Variants in IQCM observed in about 807,000 individuals in gnomAD.
The protein encoded by IQCM is IQ motif containing M.
A neutral mutation model predicts 57.6 loss-of-function variants in IQCM; 45 were observed. That is an observed-to-expected ratio of 0.78 (90% CI 0.62 to 1.00). The LOEUF (loss-of-function observed/expected upper bound fraction) is 1.00, where lower values mean the gene tolerates loss of function less well. Among genes scored for constraint, IQCM ranks in the 50% least tolerant of loss-of-function variants. IQCM has a pLI of 0.00. For synonymous variants in IQCM, 148 were observed against 158.9 expected (o/e 0.93, Z 0.51); for missense variants, 468 against 511.6 (o/e 0.91, Z 0.82).
chr4:149,728,748 G>A (rs994716708), intron 5 of IQCM, among the ~76,000 whole-genome samples: 3 of 152,192 alleles, frequency 2.0e-5, no homozygotes, highest in East Asian at 1.9e-4. Context: ...CATCTATCCC[G>A]TCTCTGCTAC....
chr4:149,437,462 A>T (rs1355547457), intron 12 of IQCM, among the ~76,000 whole-genome samples: 1 of 152,040 alleles, frequency 6.6e-6, no homozygotes, highest in Non-Finnish European at 1.5e-5. Context: ...AAAATCCCAC[A>T]ATATGAACTC....
At chr4:149,732,056 ACT>A (rs1208202985) in intron 5 of IQCM, among the ~76,000 whole-genome samples, 1 of 151,546 alleles carries the variant, frequency 6.6e-6, no homozygotes, top group Non-Finnish European at 1.5e-5. Context: ...CTCTGTCATC[ACT>A]CTCTCTACAG....
At chr4:149,799,488 G>C (rs1773409732) in intron 2 of IQCM, among the ~76,000 whole-genome samples, 1 of 151,484 alleles carries the variant, frequency 6.6e-6, no homozygotes, top group African/African-American at 2.4e-5. Flanking sequence ...ATAAAGATTA[G>C]AGCAGAAATA....
At chr4:149,381,395 C>T (rs73859737) in intron 13 of IQCM, among the ~76,000 whole-genome samples, 1,869 of 152,182 alleles carry the variant, frequency 0.012, 18 homozygotes, top group Middle Eastern at 0.037. Flanking sequence ...TCAGGCTAAA[C>T]GCCAAAAATC....
chr4:149,757,725 A>G (rs1169162563), intron 2 of IQCM, among the ~76,000 whole-genome samples: 1 of 141,240 alleles, frequency 7.1e-6, no homozygotes, highest in East Asian at 2.2e-4. Flanking sequence ...CATTAGATAT[A>G]TTCCTGATAT....
intron 8 of IQCM, among the ~76,000 whole-genome samples, chr4:149,592,766 T>C (rs2150012416): frequency 6.6e-6 from 1 of 152,266 alleles, no homozygotes; most frequent in Middle Eastern, 3.4e-3. Context: ...CAGATGGTTG[T>C]AGATGGGTGG....
At chr4:149,589,111 C>T (rs1253437880) in intron 8 of IQCM, among the ~76,000 whole-genome samples, 1 of 151,932 alleles carries the variant, frequency 6.6e-6, no homozygotes, top group Non-Finnish European at 1.5e-5. Flanking sequence ...TAGCTAGAGG[C>T]ACTGATGGCT....
At chr4:149,761,063 G>A (rs1379519076) in intron 2 of IQCM, among the ~76,000 whole-genome samples, 1 of 151,896 alleles carries the variant, frequency 6.6e-6, no homozygotes, top group Non-Finnish European at 1.5e-5. Flanking sequence ...TATAAAGGGG[G>A]GACCACTACT....
At chr4:149,794,655 T>C (rs1276680222) in intron 2 of IQCM, among the ~76,000 whole-genome samples, 2 of 152,062 alleles carry the variant, frequency 1.3e-5, no homozygotes, top group South Asian at 2.1e-4. Flanking sequence ...AAAAAAAGAC[T>C]TCTGTGTTGT....
intron 8 of IQCM, among the ~76,000 whole-genome samples, chr4:149,619,107 GATAT>G (rs70965194): frequency 1.2e-3 from 156 of 126,660 alleles, no homozygotes; most frequent in Admixed American, 2.1e-3. Flanking sequence ...ATGTGGGATG[GATAT>G]ATATATATAT....
chr4:149,667,891 GGA>G (rs1760879248), intron 7 of IQCM, among the ~76,000 whole-genome samples: 2 of 151,736 alleles, frequency 1.3e-5, no homozygotes, highest in South Asian at 4.2e-4. Flanking sequence ...AGAATGAAAA[GGA>G]ACAAAAAAAG....
chr4:149,620,754 T>C (rs1009081168), intron 8 of IQCM, among the ~76,000 whole-genome samples: 4 of 152,348 alleles, frequency 2.6e-5, no homozygotes, highest in African/African-American at 9.6e-5. Context: ...CCTTCCATTA[T>C]CATGCCTTTA....
chr4:149,367,313 A>T (rs760981478), intron 13 of IQCM, among the ~76,000 whole-genome samples: 1 of 151,998 alleles, frequency 6.6e-6, no homozygotes, highest in Non-Finnish European at 1.5e-5. Flanking sequence ...ATTCACTTCA[A>T]AACAGAGGTA....
rs1756295202 is a variant in IQCM, at chr4:149,621,124, C to T, written c.681+5G>A. ...AAATCTACATCCAGTTTTATAAATA[C>T]TTACAGAATAATAATCCCGAAATAT... On this transcript the variant is annotated splice_donor_5th_base_variant and intron_variant, in intron 8 of 13. Coordinates refer to ENST00000636793, the MANE Select transcript of IQCM (RefSeq NM_001363507.2). The T allele has an allele frequency of 8.4e-7, 1 of 1,186,702 alleles. No individual in the cohort carries two copies. The highest frequency in any genetic ancestry group is 1.1e-6 in the Non-Finnish European group (1 of 946,608). The allele number at this position is 1,186,702 out of a possible 1,614,324, so 73.5% of individuals were successfully genotyped here. A position where few individuals can be genotyped will look rare whatever the true frequency, so the allele number is the denominator to read the frequency against.
chr4:149,384,161 A>G (rs1731260683), intron 13 of IQCM, among the ~76,000 whole-genome samples: 1 of 152,142 alleles, frequency 6.6e-6, no homozygotes, highest in African/African-American at 2.4e-5. Flanking sequence ...GCAAAGTGAT[A>G]TGGATTTATA....
At chr4:149,507,685 A>G (rs1743970606) in intron 12 of IQCM, among the ~76,000 whole-genome samples, 1 of 152,174 alleles carries the variant, frequency 6.6e-6, no homozygotes, top group Non-Finnish European at 1.5e-5. Flanking sequence ...GCAGAGCATA[A>G]AAGTTTGGGA....
chr4:149,540,503 G>A (rs1477004728), intron 12 of IQCM, among the ~76,000 whole-genome samples: 1 of 151,784 alleles, frequency 6.6e-6, no homozygotes, highest in Admixed American at 6.6e-5. Flanking sequence ...GCTGATAGTA[G>A]CAATAGAGAT....
At chr4:149,727,062 T>C (rs1039302185) in intron 5 of IQCM, among the ~76,000 whole-genome samples, 3 of 152,136 alleles carry the variant, frequency 2.0e-5, no homozygotes, top group East Asian at 1.9e-4. Flanking sequence ...AAATATATTA[T>C]AGAAATTAAT....
At chr4:149,637,531 T>G (rs925907640) in intron 7 of IQCM, among the ~76,000 whole-genome samples, 12 of 151,984 alleles carry the variant, frequency 7.9e-5, no homozygotes, top group Non-Finnish European at 1.8e-4. Context: ...ACAAGATAAT[T>G]TAAAATTTTA....
Sources: gnomAD v4.1 joint callset for allele counts (sites outside exome capture counted in the v4.1 genomes callset) on GRCh38, gnomAD v4.1.1 for gene constraint, MANE v1.5 for transcripts, NCBI Gene and HGNC (gene_info 2026-07-23, HGNC 2026-07-21) for gene names.